JARID2: variants seen among roughly 807,000 people sequenced by gnomAD.
The protein encoded by JARID2 is protein Jumonji.
Under a neutral mutation model 125.6 loss-of-function variants are expected in JARID2, and 21 were observed. That is an observed-to-expected ratio of 0.17 (90% CI 0.12 to 0.24). The LOEUF is 0.24. Ranked by LOEUF, JARID2 falls within the 10% of genes least tolerant of loss-of-function variation. The pLI, the probability that JARID2 is intolerant of heterozygous loss-of-function variation, is 1.00. For synonymous variants in JARID2, 736 were observed against 661.6 expected, an observed-to-expected ratio of 1.11 and a Z score of -1.73; for missense variants, 1,303 against 1,639.6, an observed-to-expected ratio of 0.79 and a Z score of 3.55.
At chr6:15,491,654 G>A (rs552898146) in intron 6 of JARID2, among the ~76,000 whole-genome samples, 4 of 152,156 alleles carry the variant, frequency 2.6e-5, no homozygotes, top group Admixed American at 6.5e-5. Flanking sequence ...AAACATTTTT[G>A]CTTAGTTAAC....
chr6:15,433,160 C>G (rs1321657385), intron 3 of JARID2, among the ~76,000 whole-genome samples: 1 of 152,142 alleles, frequency 6.6e-6, no homozygotes, highest in Non-Finnish European at 1.5e-5. Flanking sequence ...AGCACCCATT[C>G]TATATATAGT....
At chr6:15,321,195 A>G (rs1179915981) in intron 1 of JARID2, among the ~76,000 whole-genome samples, 5 of 152,152 alleles carry the variant, frequency 3.3e-5, no homozygotes, top group East Asian at 3.9e-4. Flanking sequence ...GCCATGATAT[A>G]TATACTATAT....
At chr6:15,462,668 C>A (rs1322409536) in intron 4 of JARID2, among the ~76,000 whole-genome samples, 4 of 152,336 alleles carry the variant, frequency 2.6e-5, no homozygotes, top group Middle Eastern at 3.4e-3. Context: ...GTAATTGGGT[C>A]AAGCAATAGA....
At chr6:15,281,971 A>G (rs1035424416) in intron 1 of JARID2, among the ~76,000 whole-genome samples, 7 of 148,412 alleles carry the variant, frequency 4.7e-5, no homozygotes, top group Non-Finnish European at 8.9e-5. Flanking sequence ...TGTGTTTGAG[A>G]CAGAGTCTTG....
intron 1 of JARID2, among the ~76,000 whole-genome samples, chr6:15,357,686 G>A (rs937451222): frequency 1.3e-5 from 2 of 152,242 alleles, no homozygotes; most frequent in African/African-American, 4.8e-5. Flanking sequence ...AGAAAAATAA[G>A]AAATCTTTTC....
intron 3 of JARID2, among the ~76,000 whole-genome samples, chr6:15,416,506 C>T (rs908882750): frequency 1.3e-5 from 2 of 152,076 alleles, no homozygotes; most frequent in Non-Finnish European, 2.9e-5. Flanking sequence ...GCCAACACAG[C>T]GAAACCCCGT....
chr6:15,400,811 A>T lies in JARID2; in HGVS notation c.182-9413A>T, dbSNP rs1419355124. ...TTCTGGCCGTCCTATTGCCGCGCGG[A>T]ATCTGCACTGCCGCTTGCTTATTAC... On this transcript the variant is annotated intron_variant, in intron 2 of 17. Transcript: ENST00000341776. The T allele has an allele frequency of 4.8e-6, 6 of 1,251,330 alleles. No homozygotes were observed. The South Asian group carries it at 7.9e-5, about 16-fold the overall frequency. 77.5% of individuals were successfully genotyped at this position (1,251,330 alleles called of 1,614,324 possible).
intron 1 of JARID2, among the ~76,000 whole-genome samples, chr6:15,284,787 G>A (rs1760929965): frequency 6.6e-6 from 1 of 152,044 alleles, no homozygotes; most frequent in African/African-American, 2.4e-5. Flanking sequence ...GTGCCTGGCT[G>A]TTTTATAATC....
At chr6:15,249,477 T>A (rs1369444446) in intron 1 of JARID2, among the ~76,000 whole-genome samples, 3 of 152,210 alleles carry the variant, frequency 2.0e-5, no homozygotes, top group African/African-American at 7.2e-5. Context: ...TGGGCTTAGT[T>A]CTTCTGAGCA....
chr6:15,436,239 C>G (rs1255278074), intron 3 of JARID2, among the ~76,000 whole-genome samples: 2 of 152,136 alleles, frequency 1.3e-5, no homozygotes, highest in Admixed American at 1.3e-4. Flanking sequence ...TCGGATCACA[C>G]GTGGGCTTGG....
chr6:15,437,159 A>G (rs2282827), intron 3 of JARID2, among the ~76,000 whole-genome samples: 82,290 of 151,944 alleles, frequency 0.54, 22,821 homozygotes, highest in African/African-American at 0.64. Flanking sequence ...TTCCCAAGCC[A>G]ATTTCTGTCC....
chr6:15,361,016 A>T (rs1403959241), intron 1 of JARID2, among the ~76,000 whole-genome samples: 1 of 152,194 alleles, frequency 6.6e-6, no homozygotes, highest in Non-Finnish European at 1.5e-5. Flanking sequence ...AAACCACCCA[A>T]CTACATTCAT....
chr6:15,315,953 C>G (rs1251288532), intron 1 of JARID2, among the ~76,000 whole-genome samples: 1 of 151,886 alleles, frequency 6.6e-6, no homozygotes, highest in Non-Finnish European at 1.5e-5. Context: ...TTTAAAGTGA[C>G]TGAGGGCATA....
In JARID2 at chr6:15,520,961, G is replaced by T. The variant is rs1771813633; in HGVS notation, c.*710G>T. The T allele has an allele frequency of 2.7e-6, 1 of 367,426 alleles. No homozygotes were observed. The highest frequency in any genetic ancestry group is 1.9e-5 in the South Asian group (1 of 52,092). The allele number at this position is 367,426 out of a possible 1,614,324, so 22.8% of individuals were successfully genotyped here. ...ACGGAAAAGACTGCCTGCCTTGGAGGGGTCACATGAGGGAGACCTGTGCCT... is the reference window on the plus strand; with the variant it reads ...ACGGAAAAGACTGCCTGCCTTGGAGTGGTCACATGAGGGAGACCTGTGCCT... On this transcript the variant is annotated 3_prime_UTR_variant, in exon 18 of 18. Coordinates refer to ENST00000341776, the MANE Select transcript of JARID2 (RefSeq NM_004973.4).
chr6:15,283,410 G>A lies in JARID2; in HGVS notation c.45+36826G>A, dbSNP rs1396543183. Among the ~76,000 whole-genome samples the A allele has an allele frequency of 4.7e-5, 7 of 147,770 alleles. No homozygotes were observed. In the South Asian group the frequency reaches 8.6e-4, roughly 18 times the overall value. On this transcript the variant is annotated intron_variant, in intron 1 of 17. Coordinates refer to ENST00000341776, the MANE Select transcript of JARID2 (RefSeq NM_004973.4). ...GGCTGGAGCACAATAGCGTGATCGC[G>A]GCTTACTGCAAGCTCCACCTCCTGG...
At chr6:15,280,977 T>C (rs1760726954) in intron 1 of JARID2, among the ~76,000 whole-genome samples, 2 of 152,186 alleles carry the variant, frequency 1.3e-5, no homozygotes, top group South Asian at 4.1e-4. Context: ...TGTCTTATGC[T>C]GCAAAATACG....
intron 2 of JARID2, among the ~76,000 whole-genome samples, chr6:15,409,282 G>A (rs1260894821): frequency 6.6e-6 from 1 of 152,188 alleles, no homozygotes; most frequent in Admixed American, 6.5e-5. Flanking sequence ...GGGCCACTCC[G>A]TATTTTTGGC....
In JARID2 at chr6:15,501,058, G is replaced by A. The variant is rs1470777282; in HGVS notation, c.2097G>A (p.Glu699=). 3.7e-6 allele frequency: 6 copies of A among 1,613,996 alleles called. No homozygotes were observed. Among genetic ancestry groups the A allele is most frequent in the Non-Finnish European group, 2.5e-6 (3 of 1,179,994 alleles). ...TAQDRLAKLQ[E]AYCQYLLSYD... is the part of the protein sequence containing the mutation. ...AGGACCGGCTGGCCAAGCTGCAGGA[G>A]GCCTACTGCCAGTACCTACTCTCCT... Residue 699 remains glutamate (E), a synonymous_variant, in exon 8 of 18, where the codon GAG becomes GAA. Coordinates refer to ENST00000341776, the MANE Select transcript of JARID2 (RefSeq NM_004973.4).
At chr6:15,326,806 T>G (rs1762548200) in intron 1 of JARID2, among the ~76,000 whole-genome samples, 1 of 152,224 alleles carries the variant, frequency 6.6e-6, no homozygotes, top group African/African-American at 2.4e-5. Flanking sequence ...CAGCACAGCA[T>G]TAATTTTTAA....
Sources: allele counts gnomAD v4.1 joint callset (sites outside exome capture counted in the v4.1 genomes callset), GRCh38; gene constraint gnomAD v4.1.1; transcripts MANE v1.5; gene names NCBI Gene and HGNC (gene_info 2026-07-23, HGNC 2026-07-21).